DST: variants seen among roughly 807,000 people sequenced by gnomAD.
The protein encoded by DST is dystonin.
A neutral mutation model predicts 875.2 loss-of-function variants in DST; 253 were observed. The ratio of observed to expected loss-of-function variants is 0.29; its 90% CI spans 0.26 to 0.32. DST has a LOEUF of 0.32. DST is among the 10% of genes least tolerant of loss of function. DST has a pLI of 1.00. For synonymous variants in DST, 3,124 were observed against 3,197.1 expected (o/e 0.98, Z 0.77); for missense variants, 8,287 against 9,111.6 (o/e 0.91, Z 3.68).
At chr6:56,636,033 T>C (rs1371873388) in intron 23 of DST, among the ~76,000 whole-genome samples, 1 of 152,178 alleles carries the variant, frequency 6.6e-6, no homozygotes, top group Non-Finnish European at 1.5e-5. Flanking sequence ...TAAAAACTTC[T>C]ATGGTTTTAG....
chr6:56,750,884 T>C (rs2099584837), intron 4 of DST, among the ~76,000 whole-genome samples: 2 of 152,156 alleles, frequency 1.3e-5, no homozygotes, highest in Non-Finnish European at 2.9e-5. Context: ...TTTTGTGTTC[T>C]ATAAGCCAAT....
intron 9 of DST, among the ~76,000 whole-genome samples, chr6:56,672,863 A>G (rs2099108910): frequency 6.6e-6 from 1 of 152,220 alleles, no homozygotes; most frequent in African/African-American, 2.4e-5. Context: ...TTCCCCATAG[A>G]GAGGAATAAA....
In DST at chr6:56,517,302, A is replaced by G. The variant is rs370466372; in HGVS notation, c.18253T>C (p.Phe6085Leu). Residue 6085 changes from phenylalanine to leucine, a missense_variant, in exon 71 of 104, where the codon TTC (phenylalanine) becomes CTC (leucine). By Grantham distance (22) the Phe-to-Leu change is conservative (BLOSUM62 0). Around this residue, in one of 10 missense-constraint regions of DST, gnomAD observed 777 missense variants for 764.8 expected, o/e 1.02. Coordinates refer to ENST00000680361, the MANE Select transcript of DST (RefSeq NM_001374736.1). ...TTGTGTCTCAAAATCTCCATGGTGA[A>G]TGTCTGTGATTTACCAAAATAAAGA... ...TSAQLQVQKT[F>L]TMEILRHKDI... 4 of 1,609,922 alleles carry G rather than the reference A, an allele frequency of 2.5e-6. No homozygotes were observed. In the African/African-American group the frequency reaches 5.3e-5, roughly 22 times the overall value.
At chr6:56,615,127 C>A in intron 36 of DST, 1 of 1,048,686 alleles carries the variant, frequency 9.5e-7, no homozygotes, top group Middle Eastern at 4.8e-4. Flanking sequence ...TTCCATGGTG[C>A]TTCATGACGT....
intron 3 of DST, among the ~76,000 whole-genome samples, chr6:56,885,531 G>GGA (rs1279785471): frequency 6.6e-6 from 1 of 152,082 alleles, no homozygotes; most frequent in Admixed American, 6.5e-5. Flanking sequence ...AAATTCATGT[G>GGA]TTGAAATTTA....
intron 4 of DST, among the ~76,000 whole-genome samples, chr6:56,844,372 C>T (rs1474244034): frequency 6.6e-6 from 1 of 152,204 alleles, no homozygotes; most frequent in East Asian, 1.9e-4. Context: ...CGCGGCGGGC[C>T]TATAGGTTCA....
rs145829647 is a variant in DST, at chr6:56,631,506, T to C, written c.3964-117A>G. The C allele has an allele frequency of 3.2e-4, 266 of 827,324 alleles. 2 individuals are homozygous for C. Among genetic ancestry groups the C allele is most frequent in the African/African-American group, 2.8e-3 (163 of 58,058 alleles). 51.2% of individuals were successfully genotyped at this position (827,324 alleles called of 1,614,324 possible). ...AGAACCAATGACTTAGAAATCTACA[T>C]ATTCTTTGTTTGTTATCAAAGAAAC... On this transcript the variant is annotated intron_variant, in intron 29 of 103. Coordinates refer to ENST00000680361, the MANE Select transcript of DST (RefSeq NM_001374736.1).
At chr6:56,654,867 G>A (rs1384053371) in intron 10 of DST, among the ~76,000 whole-genome samples, 1 of 151,918 alleles carries the variant, frequency 6.6e-6, no homozygotes, top group Non-Finnish European at 1.5e-5. Flanking sequence ...TGATATAAAT[G>A]GCTAAAGATC....
At chr6:56,947,205 T>C (rs978394171) in intron 2 of DST, among the ~76,000 whole-genome samples, 7 of 151,638 alleles carry the variant, frequency 4.6e-5, no homozygotes, top group Non-Finnish European at 1.0e-4. Context: ...GGTTTTGTTA[T>C]AGTTGCTGGA....
chr6:56,798,595 A>G (rs887601001), intron 4 of DST, among the ~76,000 whole-genome samples: 2 of 152,198 alleles, frequency 1.3e-5, no homozygotes. Context: ...TTCATTCCTA[A>G]TAGCATAACA....
intron 78 of DST, among the ~76,000 whole-genome samples, chr6:56,502,116 C>T (rs1331483604): frequency 6.6e-6 from 1 of 152,076 alleles, no homozygotes; most frequent in Non-Finnish European, 1.5e-5. Flanking sequence ...GAAACACACA[C>T]ACATCTTGTA....
At position 56,603,891 on chromosome 6, in the gene DST, C is replaced by T; in HGVS notation, c.10737G>A (p.Leu3579=). 6.2e-7 allele frequency: 1 copy of T among 1,611,580 alleles called. No individual in the cohort carries two copies. Among genetic ancestry groups the T allele is most frequent in the African/African-American group, 1.3e-5 (1 of 74,966 alleles). Residue 3579 remains leucine, a synonymous_variant, in exon 40 of 104, where the codon TTG becomes TTA. Coordinates refer to ENST00000680361, the MANE Select transcript of DST (RefSeq NM_001374736.1). ...TCTCTTTAGACCCTGAAGTACATTCCAAATGGCTTGGGAAATCATTACACA... is the reference window on the plus strand; with the variant it reads ...TCTCTTTAGACCCTGAAGTACATTCTAAATGGCTTGGGAAATCATTACACA... ...KDLCNDFPSH[L]ECTSGSKEMA... is the part of the protein sequence containing the mutation.
At chr6:56,595,375 C>T (rs764583112) in intron 47 of DST, among the ~76,000 whole-genome samples, 1 of 152,126 alleles carries the variant, frequency 6.6e-6, no homozygotes, top group African/African-American at 2.4e-5. Context: ...CTCAACCACC[C>T]TTACCTAACT....
Position 56,630,203 on chromosome 6 carries a change from T to C in DST, c.4281+42A>G, listed in dbSNP as rs193237010. On this transcript the variant is annotated intron_variant, in intron 31 of 103. Coordinates refer to ENST00000680361, the MANE Select transcript of DST (RefSeq NM_001374736.1). ...GATCTAAGTGCTAGAGAAATACTTG[T>C]AGAATACGATATTTAAAAATATCCA... The C allele has an allele frequency of 1.6e-3, 2,262 of 1,418,428 alleles. 7 individuals carry two copies. The highest frequency in any genetic ancestry group is 1.5e-3 in the Non-Finnish European group (1,557 of 1,008,682). The allele number at this position is 1,418,428 out of a possible 1,614,324, so 87.9% of individuals were successfully genotyped here. A position where few individuals can be genotyped will look rare whatever the true frequency, so the allele number is the denominator to read the frequency against.
chr6:56,838,363 G>C (rs1202974998), intron 4 of DST, among the ~76,000 whole-genome samples: 2 of 152,064 alleles, frequency 1.3e-5, no homozygotes, highest in Admixed American at 1.3e-4. Context: ...AAATATTCCA[G>C]CTCCCCACAG....
chr6:56,841,842 T>TACAC (rs113928816), intron 4 of DST, among the ~76,000 whole-genome samples: 2 of 150,140 alleles, frequency 1.3e-5, no homozygotes, highest in African/African-American at 2.4e-5. Context: ...CCCACCCACA[T>TACAC]ACACACACAC....
chr6:56,536,500 T>A (rs1240321277), intron 62 of DST, among the ~76,000 whole-genome samples: 1 of 152,186 alleles, frequency 6.6e-6, no homozygotes, highest in Admixed American at 6.5e-5. Flanking sequence ...TACAGATGCA[T>A]GTGCCCATCA....
intron 53 of DST, among the ~76,000 whole-genome samples, chr6:56,571,013 T>A (rs930733316): frequency 6.6e-6 from 1 of 152,156 alleles, no homozygotes; most frequent in Non-Finnish European, 1.5e-5. Context: ...GATTCAAGTC[T>A]CCCAAAATGA....
In DST at chr6:56,693,241, T is replaced by C; in HGVS notation, c.1047+6412A>G. 3 of 1,202,394 alleles carry C rather than the reference T, an allele frequency of 2.5e-6. No individual in the cohort carries two copies. The South Asian group carries it at 4.7e-5, about 19-fold the overall frequency. The allele number at this position is 1,202,394 out of a possible 1,614,324, so 74.5% of individuals were successfully genotyped here. On this transcript the variant is annotated intron_variant, in intron 9 of 103. Transcript: ENST00000680361. The stretch of plus-strand genomic sequence containing the variant: ...TCTCCATTAAGTCTGAAAATTCCAC[T>C]CTGACATCTGTTCCACACAGACTTT...
Sources: gnomAD v4.1 joint callset for allele counts (sites outside exome capture counted in the v4.1 genomes callset) on GRCh38, gnomAD v4.1.1 for gene constraint, gnomAD v4.1.1 regional missense constraint, MANE v1.5 for transcripts, NCBI Gene and HGNC (gene_info 2026-07-23, HGNC 2026-07-21) for gene names.